Variants in LHFPL3 observed in about 807,000 individuals in gnomAD.
The protein encoded by LHFPL3 is LHFPL tetraspan subfamily member 3 protein.
In LHFPL3, 5 loss-of-function variants were observed where a neutral mutation model predicts 19.3. The observed-to-expected ratio is 0.26, with a 90% CI of 0.14 to 0.54. The LOEUF (loss-of-function observed/expected upper bound fraction) is 0.54, where lower values mean the gene tolerates loss of function less well. Ranked by LOEUF, LHFPL3 falls within the 20% of genes least tolerant of loss-of-function variation. The pLI is 0.94. For synonymous variants in LHFPL3, 133 were observed against 126.2 expected (o/e 1.05, Z -0.36); for missense variants, 249 against 307.4 (o/e 0.81, Z 1.42).
intron 1 of LHFPL3, among the ~76,000 whole-genome samples, chr7:104,364,388 A>G (rs937609949): frequency 7.2e-5 from 11 of 152,108 alleles, no homozygotes; most frequent in Admixed American, 5.2e-4. Context: ...AGAAACATTA[A>G]CCATTGACAC....
intron 2 of LHFPL3, among the ~76,000 whole-genome samples, chr7:104,846,759 TCCCTGTCCTGGCTCTG>T (rs1791321050): frequency 6.6e-6 from 1 of 152,190 alleles, no homozygotes; most frequent in Non-Finnish European, 1.5e-5. Context: ...GGACCCCAGG[TCCCTGTCCTGGCTCTG>T]CTATGAAGTA....
At chr7:104,790,075 G>A (rs1789991903) in intron 2 of LHFPL3, among the ~76,000 whole-genome samples, 1 of 152,208 alleles carries the variant, frequency 6.6e-6, no homozygotes, top group South Asian at 2.1e-4. Context: ...AAAAGCCAAT[G>A]AAGTCACCTT....
chr7:104,513,108 C>T (rs968412050), intron 1 of LHFPL3, among the ~76,000 whole-genome samples: 8 of 152,180 alleles, frequency 5.3e-5, no homozygotes, highest in Non-Finnish European at 1.0e-4. Context: ...CATCTAGAGG[C>T]TATGTGCCAA....
chr7:104,689,701 A>C (rs1340835164), intron 1 of LHFPL3, among the ~76,000 whole-genome samples: 1 of 152,182 alleles, frequency 6.6e-6, no homozygotes, highest in Non-Finnish European at 1.5e-5. Flanking sequence ...CTTTTTGGGG[A>C]CTACTGGACA....
intron 1 of LHFPL3, among the ~76,000 whole-genome samples, chr7:104,388,663 C>G (rs1000190035): frequency 3.1e-4 from 47 of 152,180 alleles, no homozygotes; most frequent in African/African-American, 1.1e-3. Flanking sequence ...CTGAATCCAG[C>G]CACATGTAAA....
At chr7:104,836,480 G>C (rs536982443) in intron 2 of LHFPL3, among the ~76,000 whole-genome samples, 1 of 152,256 alleles carries the variant, frequency 6.6e-6, no homozygotes, top group East Asian at 1.9e-4. Context: ...CACGCAGGAA[G>C]AACTACCAAG....
chr7:104,575,317 A>T (rs1035169007), intron 1 of LHFPL3, among the ~76,000 whole-genome samples: 15 of 152,056 alleles, frequency 9.9e-5, no homozygotes, highest in African/African-American at 3.6e-4. Flanking sequence ...AATTCTGTTC[A>T]AGGGTTTTCA....
In LHFPL3 at chr7:104,511,489, C is replaced by A. The variant is rs547279084; in HGVS notation, c.445+182265C>A. Among the ~76,000 whole-genome samples the A allele has an allele frequency of 4.6e-5, 7 of 152,308 alleles. No homozygotes were observed. In the South Asian group the frequency reaches 1.2e-3, roughly 27 times the overall value. ...GACATTTTTCCCAGAGAAATGAAGA[C>A]TTGTGTTTACCCCAAAACCTCTACG... On this transcript the variant is annotated intron_variant, in intron 1 of 2. Transcript: ENST00000424859.
chr7:104,597,730 T>C (rs1790890992), intron 1 of LHFPL3, among the ~76,000 whole-genome samples: 1 of 152,224 alleles, frequency 6.6e-6, no homozygotes, highest in Admixed American at 6.5e-5. Context: ...ATAGTGACAT[T>C]GCTGGCTTCT....
At chr7:104,497,257 A>G (rs1026873406) in intron 1 of LHFPL3, among the ~76,000 whole-genome samples, 1 of 151,656 alleles carries the variant, frequency 6.6e-6, no homozygotes, top group South Asian at 2.1e-4. Flanking sequence ...AAATTTACCC[A>G]GTAAAGAAGA....
intron 1 of LHFPL3, among the ~76,000 whole-genome samples, chr7:104,517,873 G>A (rs1793952074): frequency 6.6e-6 from 1 of 152,022 alleles, no homozygotes. Flanking sequence ...TTACAGGGTG[G>A]GGACCTGGGG....
chr7:104,877,237 T>C (rs1791963659), intron 2 of LHFPL3, among the ~76,000 whole-genome samples: 1 of 152,126 alleles, frequency 6.6e-6, no homozygotes, highest in Non-Finnish European at 1.5e-5. Flanking sequence ...GTAACAAACC[T>C]GCACGTTGTG....
rs777235407 is a variant in LHFPL3 at position 104,603,092 on chromosome 7, TTCTTTCTTTC to T, written c.446-133581_446-133572del. On this transcript the variant is annotated intron_variant, in intron 1 of 2. Coordinates refer to ENST00000424859, the MANE Select transcript of LHFPL3 (RefSeq NM_199000.3). ...TTTCTTTCTTTCTTTCTTTCTTTCT[TTCTTTCTTTC>T]TTTCTTTCTTTCTTTCTTTCTTTCT... 3.9e-3 allele frequency among the ~76,000 whole-genome samples: 517 copies of T among 133,402 alleles called. 28 individuals are homozygous for T. In the East Asian group the frequency reaches 0.091, roughly 23 times the overall value. 87.5% of individuals were successfully genotyped at this position (133,402 alleles called of 152,430 possible). A position where few individuals can be genotyped will look rare whatever the true frequency, so the allele number is the denominator to read the frequency against.
rs189148435 is a variant in LHFPL3 at position 104,907,490 on chromosome 7, G to C, written c.*1275G>C. On this transcript the variant is annotated 3_prime_UTR_variant, in exon 3 of 3. Coordinates refer to ENST00000424859, the MANE Select transcript of LHFPL3 (RefSeq NM_199000.3). ...GGACTTCAACAATCATTTGCTCCCA[G>C]GCTTCCCCCATCATCACCCTCACCA... Among the ~76,000 whole-genome samples, 30 of 152,122 alleles carry C rather than the reference G, an allele frequency of 2.0e-4. No individual in the cohort carries two copies. Among genetic ancestry groups the C allele is most frequent in the African/African-American group, 7.2e-4 (30 of 41,514 alleles).
intron 1 of LHFPL3, among the ~76,000 whole-genome samples, chr7:104,705,095 T>C (rs1203301649): frequency 6.6e-6 from 1 of 152,216 alleles, no homozygotes; most frequent in African/African-American, 2.4e-5. Context: ...TGTGGGAACT[T>C]AAAAGATTTA....
chr7:104,383,409 A>G (rs990004274), intron 1 of LHFPL3, among the ~76,000 whole-genome samples: 1 of 152,208 alleles, frequency 6.6e-6, no homozygotes, highest in Non-Finnish European at 1.5e-5. Flanking sequence ...TTAACAAGCC[A>G]CATAGTAATT....
chr7:104,444,550 A>G (rs992407357), intron 1 of LHFPL3, among the ~76,000 whole-genome samples: 7 of 152,240 alleles, frequency 4.6e-5, no homozygotes, highest in South Asian at 2.1e-4. Flanking sequence ...TCAACCTAGC[A>G]TTGTTCTTTT....
intron 2 of LHFPL3, among the ~76,000 whole-genome samples, chr7:104,882,282 C>T (rs1792073274): frequency 1.3e-5 from 2 of 152,288 alleles, no homozygotes; most frequent in African/African-American, 2.4e-5. Context: ...GAGTCTCACT[C>T]TGTCACCCAG....
intron 1 of LHFPL3, among the ~76,000 whole-genome samples, chr7:104,700,484 G>A (rs78425580): frequency 0.015 from 2,342 of 152,310 alleles, 23 homozygotes; most frequent in Non-Finnish European, 0.021. Flanking sequence ...GGTAAGGAGT[G>A]CATGTGACTT....
Sources: allele counts gnomAD v4.1 joint callset (sites outside exome capture counted in the v4.1 genomes callset), GRCh38; gene constraint gnomAD v4.1.1; transcripts MANE v1.5; gene names NCBI Gene and HGNC (gene_info 2026-07-23, HGNC 2026-07-21).